PABIR3: variants seen among roughly 807,000 people sequenced by gnomAD.
PABIR3 encodes PABIR family member 3.
In PABIR3, 20 loss-of-function variants were observed where a neutral mutation model predicts 23.1. The observed-to-expected ratio is 0.86, with a 90% CI of 0.61 to 1.26. The LOEUF (loss-of-function observed/expected upper bound fraction) is 1.26. Ranked by LOEUF, PABIR3 falls within the 50% of genes most tolerant of loss-of-function variation. The pLI is 0.00. For missense variants in PABIR3, 189 were observed against 195.4 expected, an observed-to-expected ratio of 0.97 and a Z score of 0.20; for synonymous variants, 69 against 68.5, an observed-to-expected ratio of 1.01 and a Z score of -0.04.
chrX:134,854,311 G>T lies in PABIR3; in HGVS notation c.*94G>T, dbSNP rs1157238127. ...CAAGCAAACCAAGTCAGAGCAATGA[G>T]AATTGTACTGTATAATTTAAACTAT... is the stretch of plus-strand genomic sequence containing the variant. On this transcript the variant is annotated 3_prime_UTR_variant, in exon 11 of 11. Transcript: ENST00000645433. 2.1e-6 allele frequency: 2 copies of T among 942,909 alleles called. No individual in the cohort carries two copies. Among genetic ancestry groups the T allele is most frequent in the African/African-American group, 4.0e-5 (2 of 50,314 alleles). 77.7% of individuals were successfully genotyped at this position (942,909 alleles called of 1,213,427 possible).
the PABIR3 span, among the ~76,000 whole-genome samples, chrX:134,862,771 C>CT: frequency 8.9e-6 from 1 of 111,734 alleles, no homozygotes; most frequent in Non-Finnish European, 1.9e-5. Context: ...GAATTAAAGT[C>CT]TAAGAGTCTT....
At chrX:134,837,375 T>C (rs73568793) in intron 4 of PABIR3, among the ~76,000 whole-genome samples, 1,615 of 111,680 alleles carry the variant, frequency 0.014, 33 homozygotes, top group African/African-American at 0.051. Context: ...TAAATTTGAT[T>C]TTAGTTTACA....
At chrX:134,862,138 G>A in the PABIR3 span, among the ~76,000 whole-genome samples, 1 of 100,316 alleles carries the variant, frequency 1.0e-5, no homozygotes, top group African/African-American at 3.7e-5. Context: ...TTGTTTTATT[G>A]GCTGTTTTTT....
At chrX:134,841,870 C>G (rs2148324060) in intron 4 of PABIR3, among the ~76,000 whole-genome samples, 1 of 110,678 alleles carries the variant, frequency 9.0e-6, no homozygotes, top group East Asian at 2.8e-4. Context: ...AAATAAAATC[C>G]CAGTTACTTA....
chrX:134,826,841 T>G (rs12556133), intron 3 of PABIR3, among the ~76,000 whole-genome samples: 2,924 of 112,139 alleles, frequency 0.026, 51 homozygotes, highest in South Asian at 0.053. Flanking sequence ...ATATAATTAG[T>G]GAGGTGATAT....
At chrX:134,831,777 G>A (rs759111366) in intron 4 of PABIR3, 1 of 111,430 alleles carries the variant, frequency 9.0e-6, no homozygotes, top group African/African-American at 3.3e-5. Context: ...ATTTTTAAAT[G>A]TATAATTAAA....
At chrX:134,850,132 C>T (rs1423704760) in intron 9 of PABIR3, among the ~76,000 whole-genome samples, 1 of 109,072 alleles carries the variant, frequency 9.2e-6, no homozygotes, top group East Asian at 2.9e-4. Context: ...ACCTCGGCCT[C>T]CCAAAGTGCT....
intron 4 of PABIR3, among the ~76,000 whole-genome samples, chrX:134,842,774 T>C (rs1176719140): frequency 4.5e-5 from 5 of 110,203 alleles, no homozygotes; most frequent in African/African-American, 1.3e-4. Context: ...GGCGGGTGCC[T>C]GTAATCCCAG....
intron 3 of PABIR3, among the ~76,000 whole-genome samples, chrX:134,828,930 A>G (rs1170883317): frequency 9.0e-6 from 1 of 111,621 alleles, no homozygotes; most frequent in East Asian, 2.8e-4. Flanking sequence ...TTTAAGATCT[A>G]GTGCCTTAGG....
intron 6 of PABIR3, among the ~76,000 whole-genome samples, chrX:134,845,640 A>T (rs1424181086): frequency 9.0e-6 from 1 of 110,832 alleles, no homozygotes; most frequent in African/African-American, 3.3e-5. Flanking sequence ...TCCTGCCTCA[A>T]CCTCCCAAAA....
chrX:134,835,164 G>A (rs774453024), intron 4 of PABIR3: 1 of 110,200 alleles, frequency 9.1e-6, no homozygotes, highest in Non-Finnish European at 1.9e-5. Context: ...TGGTTCAAGC[G>A]ATTCTGTAAC....
chrX:134,796,520 G>A, upstream of PABIR3: 1 of 214,625 alleles, frequency 4.7e-6, no homozygotes, highest in Non-Finnish European at 8.6e-6. Context: ...AAGGATGGAG[G>A]GAGGAGGGAA....
the PABIR3 span, among the ~76,000 whole-genome samples, chrX:134,861,789 A>C: frequency 1.8e-5 from 2 of 111,488 alleles, no homozygotes; most frequent in African/African-American, 6.5e-5. Flanking sequence ...ATTGAAGAGG[A>C]AGTCCAGGGG....
intron 9 of PABIR3, 92 bp downstream of exon 9, chrX:134,849,320 G>T (rs1290120948): frequency 8.3e-6 from 3 of 361,332 alleles, no homozygotes; most frequent in Non-Finnish European, 1.2e-5. Context: ...TATTTTTAAA[G>T]GCTTTATTTA....
At chrX:134,821,096 A>ATG (rs2148200636) in intron 3 of PABIR3, among the ~76,000 whole-genome samples, 2 of 102,842 alleles carry the variant, frequency 1.9e-5, no homozygotes, top group African/African-American at 7.0e-5. Context: ...GTGTATATAT[A>ATG]TATATATATG....
downstream of PABIR3, among the ~76,000 whole-genome samples, chrX:134,857,316 C>G (rs2082755230): frequency 9.0e-6 from 1 of 110,860 alleles, no homozygotes; most frequent in Admixed American, 9.7e-5. Context: ...ATACATCACT[C>G]CAATCTCTGC....
intron 2 of PABIR3, among the ~76,000 whole-genome samples, chrX:134,809,030 C>T (rs1403014711): frequency 9.0e-6 from 1 of 110,602 alleles, no homozygotes; most frequent in Non-Finnish European, 1.9e-5. Context: ...TAAAATTTCA[C>T]GAAGGGGGAG....
chrX:134,825,731 T>A (rs1296501623), intron 3 of PABIR3, among the ~76,000 whole-genome samples: 1 of 110,288 alleles, frequency 9.1e-6, no homozygotes, highest in Non-Finnish European at 1.9e-5. Flanking sequence ...CAGTTGATCT[T>A]GGTTCACTGC....
chrX:134,825,954 G>T (rs1266518033), intron 3 of PABIR3, among the ~76,000 whole-genome samples: 2 of 107,906 alleles, frequency 1.9e-5, no homozygotes, highest in African/African-American at 6.8e-5. Flanking sequence ...AGGATTACAG[G>T]TGTGAGCCAC....
Sources: gnomAD v4.1 joint callset for allele counts (sites outside exome capture counted in the v4.1 genomes callset) on GRCh38, gnomAD v4.1.1 for gene constraint, MANE v1.5 for transcripts, NCBI Gene and HGNC (gene_info 2026-07-23, HGNC 2026-07-21) for gene names.